The following ZNF644 variants were observed in gnomAD, a reference collection of about 807,000 sequenced individuals.
The protein encoded by ZNF644 is zinc finger motif enhancer binding protein 2.
In ZNF644, 20 loss-of-function variants were observed where a neutral mutation model predicts 108.0. The ratio of observed to expected loss-of-function variants is 0.19; its 90% CI spans 0.13 to 0.27. The LOEUF is 0.27. ZNF644 is among the 10% of genes least tolerant of loss of function. The probability of loss-of-function intolerance (pLI) is 1.00; values close to 1 mark genes in which losing one functional copy is unlikely to be tolerated. For missense variants in ZNF644, 1,338 were observed against 1,548.9 expected, an observed-to-expected ratio of 0.86 and a Z score of 2.29; for synonymous variants, 542 against 539.1, an observed-to-expected ratio of 1.01 and a Z score of -0.08.
intron 1 of ZNF644, among the ~76,000 whole-genome samples, chr1:91,019,723 C>T (rs1660729588): frequency 6.6e-6 from 1 of 152,032 alleles, no homozygotes; most frequent in Non-Finnish European, 1.5e-5. Flanking sequence ...GGCACCACCA[C>T]GCCCAGGAAA....
At chr1:91,002,104 C>A (rs1658901638) in intron 1 of ZNF644, among the ~76,000 whole-genome samples, 1 of 152,086 alleles carries the variant, frequency 6.6e-6, no homozygotes, top group South Asian at 2.1e-4. Context: ...CCATACTGCC[C>A]AAGGTAATTT....
intron 2 of ZNF644, among the ~76,000 whole-genome samples, chr1:90,947,530 G>A (rs1351018122): frequency 6.6e-6 from 1 of 152,104 alleles, no homozygotes; most frequent in South Asian, 2.1e-4. Context: ...GCCCTCCACA[G>A]AAAGTATTAT....
At chr1:91,010,449 A>C (rs1296118054) in intron 1 of ZNF644, among the ~76,000 whole-genome samples, 1 of 143,810 alleles carries the variant, frequency 7.0e-6, no homozygotes, top group Non-Finnish European at 1.5e-5. Flanking sequence ...ACTGGGTTTC[A>C]CCATGTTGGC....
At chr1:91,021,801 C>T in intron 1 of ZNF644, 189 bp downstream of exon 1, 1 of 391,890 alleles carries the variant, frequency 2.6e-6, no homozygotes. Context: ...GCCATCTTAG[C>T]CTGTGCGGCA....
intron 1 of ZNF644, among the ~76,000 whole-genome samples, chr1:91,000,771 A>G (rs1164010469): frequency 6.6e-6 from 1 of 152,204 alleles, no homozygotes; most frequent in Non-Finnish European, 1.5e-5. Context: ...AGATCAACAC[A>G]ATAGATAGAC....
intron 1 of ZNF644, among the ~76,000 whole-genome samples, chr1:91,013,455 A>T (rs879376316): frequency 4.7e-3 from 226 of 47,928 alleles, no homozygotes; most frequent in African/African-American, 6.2e-3. Flanking sequence ...TCTCTCTCAC[A>T]CACACACACA....
At chr1:90,918,327 A>ATATTATCTGTACTGTACAGCGG in intron 4 of ZNF644, 173 bp from the exon 5 acceptor site, 1 of 653,922 alleles carries the variant, frequency 1.5e-6, no homozygotes, top group Non-Finnish European at 2.8e-6. Flanking sequence ...AATAGCAGTA[A>ATATTATCTGTACTGTACAGCGG]TATTATCTGT....
At chr1:90,967,531 G>A (rs1472293403) in intron 2 of ZNF644, among the ~76,000 whole-genome samples, 1 of 152,092 alleles carries the variant, frequency 6.6e-6, no homozygotes, top group Non-Finnish European at 1.5e-5. Flanking sequence ...CATATGCTGT[G>A]TTGAACAACT....
At chr1:90,941,447 T>G in intron 2 of ZNF644, 138 bp from the exon 3 acceptor site, 1 of 806,718 alleles carries the variant, frequency 1.2e-6, no homozygotes, top group Non-Finnish European at 1.9e-6. Flanking sequence ...TTTCCAAGAA[T>G]GAAAGAACAC....
At position 90,939,008 on chromosome 1, in the gene ZNF644, G is replaced by A. The variant is rs748085025; in HGVS notation, c.2346C>T (p.His782=). The change falls in exon 3 of 6, where the codon CAC becomes CAT. Residue 782 remains histidine (H), a synonymous_variant. Transcript: ENST00000337393. ...LHLFSSSSNS[H]NNFISDPHKP... is the part of the protein sequence containing the mutation. ...TATGAGGGTCTGAAATAAAATTGTT[G>A]TGAGAATTACTTGATGATGAAAACA... is the stretch of plus-strand genomic sequence containing the variant. The A allele has an allele frequency of 1.2e-6, 2 of 1,614,026 alleles. No homozygotes were observed. The highest frequency in any genetic ancestry group is 1.7e-6 in the Non-Finnish European group (2 of 1,179,932).
intron 2 of ZNF644, among the ~76,000 whole-genome samples, chr1:90,955,042 G>C (rs548501189): frequency 2.0e-5 from 3 of 152,230 alleles, no homozygotes; most frequent in Non-Finnish European, 4.4e-5. Flanking sequence ...CACAATGGAT[G>C]CTGTGTTGGC....
At chr1:91,006,234 C>T (rs1023967154) in intron 1 of ZNF644, among the ~76,000 whole-genome samples, 23 of 152,114 alleles carry the variant, frequency 1.5e-4, no homozygotes, top group African/African-American at 5.6e-4. Flanking sequence ...GAGAGAACTT[C>T]CCACAAAGAA....
chr1:90,961,210 G>A (rs1393301795), intron 2 of ZNF644, among the ~76,000 whole-genome samples: 4 of 152,128 alleles, frequency 2.6e-5, no homozygotes, highest in Non-Finnish European at 5.9e-5. Flanking sequence ...AGTTGAGTAA[G>A]GGGTACAGTA....
intron 2 of ZNF644, among the ~76,000 whole-genome samples, chr1:90,958,034 A>C (rs985028455): frequency 1.3e-5 from 2 of 151,920 alleles, no homozygotes; most frequent in Admixed American, 1.3e-4. Context: ...AGCATCAAAA[A>C]TTAAAAAATA....
chr1:90,962,871 T>C (rs1374189779), intron 2 of ZNF644, among the ~76,000 whole-genome samples: 1 of 152,088 alleles, frequency 6.6e-6, no homozygotes, highest in Admixed American at 6.6e-5. Context: ...TAAGAGAATA[T>C]CTTCATGTCC....
At chr1:90,934,932 C>T (rs752021487) in intron 4 of ZNF644, among the ~76,000 whole-genome samples, 1 of 152,046 alleles carries the variant, frequency 6.6e-6, no homozygotes, top group African/African-American at 2.4e-5. Flanking sequence ...TGCTATGTTG[C>T]CCAGGCTGGA....
intron 2 of ZNF644, among the ~76,000 whole-genome samples, chr1:90,954,157 G>A (rs529664085): frequency 4.6e-5 from 7 of 152,198 alleles, no homozygotes; most frequent in South Asian, 2.1e-4. Flanking sequence ...TCTCTGTAAC[G>A]TGCAATGATG....
At chr1:91,003,173 A>T (rs1659056688) in intron 1 of ZNF644, among the ~76,000 whole-genome samples, 1 of 152,186 alleles carries the variant, frequency 6.6e-6, no homozygotes, top group Admixed American at 6.5e-5. Context: ...CAGCCATCCC[A>T]TTACTGGGTA....
chr1:90,964,530 T>C (rs1654644220), intron 2 of ZNF644, among the ~76,000 whole-genome samples: 1 of 152,148 alleles, frequency 6.6e-6, no homozygotes, highest in African/African-American at 2.4e-5. Flanking sequence ...GAATCAAACA[T>C]TTACTATATT....
Sources: allele counts gnomAD v4.1 joint callset (sites outside exome capture counted in the v4.1 genomes callset), GRCh38; gene constraint gnomAD v4.1.1; transcripts MANE v1.5; gene names NCBI Gene and HGNC (gene_info 2026-07-23, HGNC 2026-07-21).